SNAPC3: variants seen among roughly 807,000 people sequenced by gnomAD.
The protein encoded by SNAPC3 is small nuclear RNA activating complex polypeptide 3, also known as snRNA-activating protein complex subunit 3.
A neutral mutation model predicts 47.7 loss-of-function variants in SNAPC3; 56 were observed. That is an observed-to-expected ratio of 1.18 (90% CI 0.95 to 1.47). SNAPC3 has a LOEUF of 1.47. Among genes scored for constraint, SNAPC3 ranks in the 40% most tolerant of loss-of-function variants. The pLI is 0.00. For missense variants in SNAPC3, 665 were observed against 511.3 expected (o/e 1.30, Z -2.90); for synonymous variants, 235 against 189.9 (o/e 1.24, Z -1.95).
In SNAPC3 at chr9:15,436,532, T is replaced by C. The variant is rs150036505; in HGVS notation, c.477+2896T>C. ...GATTCTAACCTAGAACTACACTGTT[T>C]TGATTACTTTGGCTTTGTAGTAAAT... On this transcript the variant is annotated intron_variant, in intron 3 of 8. Coordinates refer to ENST00000380821, the MANE Select transcript of SNAPC3 (RefSeq NM_001039697.2). Among the ~76,000 whole-genome samples the C allele has an allele frequency of 5.0e-3, 759 of 152,364 alleles. 6 individuals carry two copies. Among genetic ancestry groups the C allele is most frequent in the Non-Finnish European group, 7.7e-3 (526 of 68,036 alleles).
downstream of SNAPC3, chr9:15,463,473 A>G (rs1324554201): frequency 2.5e-5 from 3 of 117,734 alleles, no homozygotes; most frequent in Non-Finnish European, 5.0e-5. Context: ...TAAAACATAC[A>G]TATTACACGT....
In SNAPC3 at chr9:15,459,835, A is replaced by T. The variant is rs2035068614; in HGVS notation, c.1205A>T (p.Tyr402Phe). 1 of 1,613,512 alleles carries T rather than the reference A, an allele frequency of 6.2e-7. No homozygotes were observed. Among genetic ancestry groups the T allele is most frequent in the Admixed American group, 1.7e-5 (1 of 59,916 alleles). ...AACAAACTGGGGGAATTCCTTGCTT[A>T]TCCTTATGTTGATCCTGGAACCTTT... ...EGNKLGEFLA[Y>F]PYVDPGTFN Residue 402 changes from tyrosine (Y) to phenylalanine (F), a missense_variant, in exon 9 of 9, where the codon TAT becomes TTT. Physicochemically the swap from Tyr to Phe is conservative, Grantham distance 22. Coordinates refer to ENST00000380821, the MANE Select transcript of SNAPC3 (RefSeq NM_001039697.2).
intron 4 of SNAPC3, among the ~76,000 whole-genome samples, chr9:15,445,021 A>C (rs2033812528): frequency 6.6e-6 from 1 of 152,190 alleles, no homozygotes; most frequent in African/African-American, 2.4e-5. Context: ...TGAGCCTAGG[A>C]ATTCAAGGTT....
At position 15,459,696 on chromosome 9, in the gene SNAPC3, ACTT is replaced by A. The variant is rs779790118; in HGVS notation, c.1089-19_1089-17del. 10 of 1,606,338 alleles carry A rather than the reference ACTT, an allele frequency of 6.2e-6. No individual in the cohort carries two copies. The highest frequency in any genetic ancestry group is 3.4e-5 in the Admixed American group (2 of 59,272). ...ATGGCAAATTTGATTGTAATGATGT[ACTT>A]CTTTTTTTAAAAACTACAGATGGGT... On this transcript the variant is annotated intron_variant, in intron 8 of 8. Transcript: ENST00000380821.
chr9:15,439,801 T>A (rs1349493498), intron 3 of SNAPC3, among the ~76,000 whole-genome samples: 2 of 152,148 alleles, frequency 1.3e-5, no homozygotes, highest in African/African-American at 4.8e-5. Context: ...CCCAAAGTGC[T>A]GAGATTACAG....
At chr9:15,444,090 A>C (rs952945564) in intron 3 of SNAPC3, among the ~76,000 whole-genome samples, 2 of 152,184 alleles carry the variant, frequency 1.3e-5, no homozygotes, top group Non-Finnish European at 2.9e-5. Context: ...ATTTTATATT[A>C]ATTTAGCACA....
intron 2 of SNAPC3, among the ~76,000 whole-genome samples, chr9:15,432,494 G>A (rs1404202217): frequency 1.3e-5 from 2 of 152,046 alleles, no homozygotes; most frequent in Non-Finnish European, 2.9e-5. Context: ...TGGGCCTTGA[G>A]CATCTTGTGG....
intron 3 of SNAPC3, among the ~76,000 whole-genome samples, chr9:15,443,656 G>C (rs1256608782): frequency 1.3e-5 from 2 of 152,080 alleles, no homozygotes; most frequent in Non-Finnish European, 2.9e-5. Flanking sequence ...GCCACCAAGA[G>C]GGTCAAAACC....
At chr9:15,448,743 G>A (rs2034135491) in intron 5 of SNAPC3, among the ~76,000 whole-genome samples, 1 of 152,136 alleles carries the variant, frequency 6.6e-6, no homozygotes, top group South Asian at 2.1e-4. Flanking sequence ...CAGTGCTTTT[G>A]GAGAGAAACA....
chr9:15,423,097 G>A lies in SNAPC3; in HGVS notation c.218G>A (p.Gly73Glu). Residue 73 changes from glycine (G) to glutamate (E), a missense_variant, in exon 1 of 9, where the codon GGG (glycine) becomes GAG (glutamate). Coordinates refer to ENST00000380821, the MANE Select transcript of SNAPC3 (RefSeq NM_001039697.2). ...LREPPASALP[G>E]SQAADSDRED... ...GAGCCGCCGGCATCCGCTCTGCCTG[G>A]GAGCCAGGCAGCTGACTCCGACCGG... The A allele has an allele frequency of 6.5e-7, 1 of 1,546,010 alleles. No homozygotes were observed. The highest frequency in any genetic ancestry group is 8.7e-7 in the Non-Finnish European group (1 of 1,155,866).
At chr9:15,430,636 A>G in intron 2 of SNAPC3, among the ~76,000 whole-genome samples, 1 of 152,192 alleles carries the variant, frequency 6.6e-6, no homozygotes, top group East Asian at 1.9e-4. Context: ...TTCAATACTT[A>G]CTAGTGATGT....
intron 3 of SNAPC3, 78 bp from the exon 4 acceptor site, chr9:15,444,524 T>A (rs925921244): frequency 6.8e-6 from 6 of 876,524 alleles, no homozygotes; most frequent in African/African-American, 6.8e-5. Flanking sequence ...CTCGATCCCT[T>A]GCTGATAGCC....
intron 3 of SNAPC3, among the ~76,000 whole-genome samples, chr9:15,439,560 A>T (rs1587264386): frequency 6.6e-6 from 1 of 151,266 alleles, no homozygotes; most frequent in African/African-American, 2.4e-5. Context: ...TTTGAGACAG[A>T]GTCTCACTCT....
intron 2 of SNAPC3, among the ~76,000 whole-genome samples, chr9:15,425,968 T>A (rs1444625164): frequency 1.3e-5 from 2 of 152,216 alleles, no homozygotes; most frequent in Admixed American, 6.5e-5. Context: ...TTCAAGTGAT[T>A]CTCCTGCCTC....
chr9:15,457,836 T>G (rs2034911474), intron 7 of SNAPC3, 124 bp from the exon 8 acceptor site: 1 of 624,204 alleles, frequency 1.6e-6, no homozygotes, highest in Non-Finnish European at 2.7e-6. Context: ...CAGCAACATC[T>G]TGTAAGCAAA....
At chr9:15,439,855 A>T (rs2033166393) in intron 3 of SNAPC3, among the ~76,000 whole-genome samples, 1 of 152,164 alleles carries the variant, frequency 6.6e-6, no homozygotes, top group African/African-American at 2.4e-5. Context: ...TAAATCTTAA[A>T]ATTGAAACAA....
chr9:15,440,213 A>G (rs2033200111), intron 3 of SNAPC3, among the ~76,000 whole-genome samples: 2 of 152,200 alleles, frequency 1.3e-5, no homozygotes, highest in African/African-American at 4.8e-5. Flanking sequence ...GTGAGTTACA[A>G]ACCAAAAGTA....
At chr9:15,424,036 C>T (rs933158420) in intron 2 of SNAPC3, 50 bp downstream of exon 2, 1 of 1,112,514 alleles carries the variant, frequency 9.0e-7, no homozygotes, top group Admixed American at 2.5e-5. Flanking sequence ...ATTTTTTCAA[C>T]ATTATGTTTT....
intron 5 of SNAPC3, among the ~76,000 whole-genome samples, chr9:15,447,669 A>G (rs145627978): frequency 1.3e-5 from 2 of 152,162 alleles, no homozygotes; most frequent in Non-Finnish European, 2.9e-5. Flanking sequence ...TCACTGTAGC[A>G]TATGACTTTG....
Sources: gnomAD v4.1 joint callset for allele counts (sites outside exome capture counted in the v4.1 genomes callset) on GRCh38, gnomAD v4.1.1 for gene constraint, MANE v1.5 for transcripts, NCBI Gene and HGNC (gene_info 2026-07-23, HGNC 2026-07-21) for gene names.